The following ADAMTS16 variants were observed in gnomAD, a reference collection of about 807,000 sequenced individuals.
The protein encoded by ADAMTS16 is A disintegrin and metalloproteinase with thrombospondin motifs 16.
A neutral mutation model predicts 145.8 loss-of-function variants in ADAMTS16; 94 were observed. That is an observed-to-expected ratio of 0.64 (90% CI 0.55 to 0.77). The LOEUF (loss-of-function observed/expected upper bound fraction) is 0.77. Ranked by LOEUF, ADAMTS16 falls within the 30% of genes least tolerant of loss-of-function variation. The pLI is 0.00. For synonymous variants in ADAMTS16, 659 were observed against 604.3 expected, an observed-to-expected ratio of 1.09 and a Z score of -1.33; for missense variants, 1,585 against 1,591.5, an observed-to-expected ratio of 1.00 and a Z score of 0.07.
intron 3 of ADAMTS16, among the ~76,000 whole-genome samples, chr5:5,163,626 A>C (rs944140884): frequency 1.3e-5 from 2 of 152,216 alleles, no homozygotes; most frequent in Non-Finnish European, 2.9e-5. Context: ...ACAGTGCAAA[A>C]GCCATGATGA....
chr5:5,159,176 T>C (rs966234501), intron 3 of ADAMTS16, among the ~76,000 whole-genome samples: 1 of 152,162 alleles, frequency 6.6e-6, no homozygotes, highest in Non-Finnish European at 1.5e-5. Flanking sequence ...GCAAAATAAA[T>C]CAGCAGGAAA....
chr5:5,228,688 A>G (rs1371198103), intron 11 of ADAMTS16, among the ~76,000 whole-genome samples: 1 of 152,198 alleles, frequency 6.6e-6, no homozygotes, highest in Non-Finnish European at 1.5e-5. Context: ...AGTGTAGTAG[A>G]GGTTCCTCTT....
intron 18 of ADAMTS16, among the ~76,000 whole-genome samples, chr5:5,288,819 T>C (rs747501942): frequency 2.0e-5 from 3 of 152,200 alleles, no homozygotes; most frequent in Admixed American, 6.5e-5. Flanking sequence ...GCATGGTGGA[T>C]AAGAACCCAG....
Position 5,168,934 on chromosome 5 carries a change from A to C in ADAMTS16, c.502-13110A>C, listed in dbSNP as rs537149139. 3.3e-5 allele frequency among the ~76,000 whole-genome samples: 5 copies of C among 150,474 alleles called. No individual in the cohort carries two copies. In the South Asian group the frequency reaches 1.1e-3, roughly 32 times the overall value. On this transcript the variant is annotated intron_variant, in intron 3 of 22. Transcript: ENST00000274181. Reference sequence around the variant, plus strand: ...ATCTGGGATAGCCCCTGAGCCCCGGATTCCTCTCAATAGTACTGTGCAGTG... The same window carrying C: ...ATCTGGGATAGCCCCTGAGCCCCGGCTTCCTCTCAATAGTACTGTGCAGTG...
chr5:5,257,443 ATAAT>A (rs1412738718), intron 17 of ADAMTS16, among the ~76,000 whole-genome samples: 1 of 152,204 alleles, frequency 6.6e-6, no homozygotes, highest in Non-Finnish European at 1.5e-5. Context: ...ACAGAACCTT[ATAAT>A]TAGAGTCACC....
intron 21 of ADAMTS16, among the ~76,000 whole-genome samples, chr5:5,314,053 CACA>C (rs142332575): frequency 0.022 from 3,371 of 152,274 alleles, 58 homozygotes; most frequent in East Asian, 0.069. Flanking sequence ...TACAAAAATT[CACA>C]ACGTCGGTTA....
intron 18 of ADAMTS16, among the ~76,000 whole-genome samples, chr5:5,302,428 G>C (rs1013974580): frequency 6.6e-6 from 1 of 152,138 alleles, no homozygotes; most frequent in Non-Finnish European, 1.5e-5. Context: ...AGGAGAACCA[G>C]GATCTAAAGA....
chr5:5,315,562 G>A (rs111667325), intron 21 of ADAMTS16, among the ~76,000 whole-genome samples: 2 of 152,040 alleles, frequency 1.3e-5, no homozygotes, highest in African/African-American at 4.8e-5. Flanking sequence ...CTCAAGAAAC[G>A]AAAGATGTTG....
rs146506887 is a variant in ADAMTS16, at chr5:5,303,163, G to T, written c.2790-105G>T. 5,819 of 1,231,174 alleles carry T rather than the reference G, an allele frequency of 4.7e-3. 23 individuals carry two copies. Among genetic ancestry groups the T allele is most frequent in the Non-Finnish European group, 5.8e-3 (5,271 of 908,562 alleles). The allele number at this position is 1,231,174 out of a possible 1,614,324, so 76.3% of individuals were successfully genotyped here. Reference sequence around the variant, plus strand: ...GAACTGAAAATAACGGCACACACACGACCGTGGCTGGGAAATCGCGCCGCT... The same window carrying T: ...GAACTGAAAATAACGGCACACACACTACCGTGGCTGGGAAATCGCGCCGCT... On this transcript the variant is annotated intron_variant, in intron 18 of 22. Transcript: ENST00000274181.
chr5:5,267,059 G>C (rs1262015512), intron 18 of ADAMTS16, among the ~76,000 whole-genome samples: 2 of 152,174 alleles, frequency 1.3e-5, no homozygotes, highest in Non-Finnish European at 2.9e-5. Context: ...CTTTGGAATT[G>C]AAACTGGAGG....
intron 18 of ADAMTS16, among the ~76,000 whole-genome samples, chr5:5,282,969 A>G (rs1738976982): frequency 6.6e-6 from 1 of 151,986 alleles, no homozygotes; most frequent in Non-Finnish European, 1.5e-5. Flanking sequence ...TATTTTATTT[A>G]GTATTATTTT....
chr5:5,251,687 A>G (rs1450058943), intron 17 of ADAMTS16, among the ~76,000 whole-genome samples: 3 of 152,182 alleles, frequency 2.0e-5, no homozygotes, highest in African/African-American at 4.8e-5. Context: ...GGGTAAGATC[A>G]CTGTTTCAGA....
intron 3 of ADAMTS16, among the ~76,000 whole-genome samples, chr5:5,174,713 A>G (rs1316165671): frequency 2.0e-5 from 3 of 152,206 alleles, no homozygotes; most frequent in Admixed American, 6.5e-5. Context: ...CTTCTGCTTC[A>G]TAAATTCTGC....
chr5:5,212,435 GAC>G (rs1736299891), intron 10 of ADAMTS16, among the ~76,000 whole-genome samples: 2 of 151,832 alleles, frequency 1.3e-5, no homozygotes, highest in African/African-American at 4.8e-5. Flanking sequence ...GTCTCGATCT[GAC>G]ATCATGATAA....
chr5:5,212,112 T>C (rs2126321696), intron 10 of ADAMTS16, among the ~76,000 whole-genome samples: 1 of 152,264 alleles, frequency 6.6e-6, no homozygotes, highest in Non-Finnish European at 1.5e-5. Flanking sequence ...CCACCAGTTT[T>C]ACAAAGATGA....
intron 15 of ADAMTS16, 51 bp from the exon 16 acceptor site, chr5:5,239,630 C>T (rs766808524): frequency 1.5e-5 from 24 of 1,601,042 alleles, no homozygotes; most frequent in Non-Finnish European, 2.0e-5. Context: ...AGAGATTTTG[C>T]CCCTGCTTTC....
At chr5:5,168,686 A>AT (rs1160869473) in intron 3 of ADAMTS16, among the ~76,000 whole-genome samples, 14 of 17,824 alleles carry the variant, frequency 7.9e-4, no homozygotes, top group Non-Finnish European at 1.5e-3. Flanking sequence ...ATAATTATAT[A>AT]ATTATATAAA....
intron 17 of ADAMTS16, among the ~76,000 whole-genome samples, chr5:5,253,479 C>T (rs1305188145): frequency 6.6e-6 from 1 of 152,072 alleles, no homozygotes; most frequent in Non-Finnish European, 1.5e-5. Context: ...ATCAGATATG[C>T]GTTTGTCTCA....
At position 5,306,567 on chromosome 5, in the gene ADAMTS16, TC is replaced by T; in HGVS notation, c.3251del (p.Ser1084LeufsTer184). 1 of 1,614,250 alleles carries T rather than the reference TC, an allele frequency of 6.2e-7. No homozygotes were observed. The highest frequency in any genetic ancestry group is 8.5e-7 in the Non-Finnish European group (1 of 1,180,048). On this transcript the variant is annotated frameshift_variant, in exon 21 of 23. Coordinates refer to ENST00000274181, the MANE Select transcript of ADAMTS16 (RefSeq NM_139056.4). LOFTEE classifies it high-confidence loss of function. Reference protein sequence around the residue: ...RFLKCAEKYVSGKYRELASKK... With the variant: ...RFLKCAEKYVXGKYRELASKK... The stretch of plus-strand genomic sequence containing the variant: ...CTTAAAATGTGCTGAAAAGTATGTT[TC>T]TGGAAAGTATCGAGAGCTGGCCTCA...
Sources: gnomAD v4.1 joint callset for allele counts (sites outside exome capture counted in the v4.1 genomes callset) on GRCh38, gnomAD v4.1.1 for gene constraint, MANE v1.5 for transcripts, NCBI Gene and HGNC (gene_info 2026-07-23, HGNC 2026-07-21) for gene names.